The following VMP1 variants were observed in gnomAD, a reference collection of about 807,000 sequenced individuals.
VMP1 encodes vacuole membrane protein 1, also known as ectopic P-granules autophagy protein 3 homolog.
VMP1 carries 11 observed loss-of-function variants against 56.0 expected under a neutral mutation model. That is an observed-to-expected ratio of 0.20 (90% CI 0.12 to 0.32). The LOEUF is 0.32. Ranked by LOEUF, VMP1 falls within the 10% of genes least tolerant of loss-of-function variation. VMP1 has a pLI of 1.00. For missense variants in VMP1, 296 were observed against 490.3 expected (o/e 0.60, Z 3.74); for synonymous variants, 149 against 165.0 (o/e 0.90, Z 0.74).
chr17:59,741,582 C>G (rs1274441592), intron 5 of VMP1, among the ~76,000 whole-genome samples: 2 of 152,092 alleles, frequency 1.3e-5, no homozygotes, highest in East Asian at 3.9e-4. Context: ...TGAAAGATAA[C>G]TCTTGGATTT....
intron 6 of VMP1, 142 bp from the exon 7 acceptor site, chr17:59,773,611 AT>A: frequency 1.4e-6 from 1 of 734,742 alleles, no homozygotes; most frequent in Non-Finnish European, 2.0e-6. Flanking sequence ...AACTTTTATT[AT>A]TTTGATTATG....
chr17:59,786,731 C>T (rs1391584687), intron 7 of VMP1, among the ~76,000 whole-genome samples: 2 of 152,138 alleles, frequency 1.3e-5, no homozygotes, highest in Admixed American at 6.6e-5. Context: ...AATTTGTCAG[C>T]GTGGACTCTA....
chr17:59,830,799 A>T (rs2038782996), intron 10 of VMP1, among the ~76,000 whole-genome samples: 1 of 152,226 alleles, frequency 6.6e-6, no homozygotes, highest in Non-Finnish European at 1.5e-5. Context: ...CTCTGTAAAT[A>T]GGGCTAAACA....
At chr17:59,838,176 C>T (rs1038359747) in intron 10 of VMP1, 119 bp from the exon 11 acceptor site, 8 of 384,534 alleles carry the variant, frequency 2.1e-5, no homozygotes, top group Non-Finnish European at 3.3e-5. Context: ...TATTTTATTC[C>T]TCTTCCTATC....
At chr17:59,786,826 C>G (rs936901288) in intron 7 of VMP1, among the ~76,000 whole-genome samples, 1 of 152,180 alleles carries the variant, frequency 6.6e-6, no homozygotes, top group African/African-American at 2.4e-5. Context: ...CTTGCAGGAT[C>G]TCTTGCTTGT....
chr17:59,735,290 C>T (rs775745644), intron 2 of VMP1, 48 bp from the exon 3 acceptor site: 1 of 1,597,122 alleles, frequency 6.3e-7, no homozygotes, highest in East Asian at 2.2e-5. Flanking sequence ...AGAGAATAAG[C>T]ATAAATGTTA....
intron 1 of VMP1, among the ~76,000 whole-genome samples, chr17:59,723,045 A>G (rs1598291791): frequency 6.6e-6 from 1 of 152,150 alleles, no homozygotes; most frequent in South Asian, 2.1e-4. Context: ...GTGTACTCCT[A>G]AGATCACCAT....
chr17:59,792,657 G>C (rs556169903), intron 7 of VMP1, among the ~76,000 whole-genome samples: 2 of 151,160 alleles, frequency 1.3e-5, no homozygotes, highest in Admixed American at 6.6e-5. Flanking sequence ...CTGAGGTCAA[G>C]AGTTCGAGAC....
rs1157617334 is a variant in VMP1, at chr17:59,738,921, G to C, written c.388G>C (p.Gly130Arg). 6.2e-7 allele frequency: 1 copy of C among 1,610,506 alleles called. No homozygotes were observed. Among genetic ancestry groups the C allele is most frequent in the South Asian group, 1.1e-5 (1 of 90,194 alleles). Residue 130 changes from glycine (G) to arginine (R), a missense_variant, in exon 5 of 12, where the codon GGG (glycine) becomes CGG (arginine). Gly to Arg is a moderately radical substitution (Grantham distance 125). This residue lies in a region of VMP1 where 126 missense variants were observed against 231.6 expected (regional missense o/e 0.54). Transcript: ENST00000262291. ...TTTGTCTTCTGTTGGGCTTGGAACA[G>C]GGCTGCACACCTTTCTGCTTTATCT... The part of the protein sequence containing the change: ...GILSSVGLGT[G>R]LHTFLLYLGP...
At position 59,729,408 on chromosome 17, in the gene VMP1, G is replaced by A. The variant is rs367942604; in HGVS notation, c.-26-2013G>A. 9.2e-4 allele frequency among the ~76,000 whole-genome samples: 139 copies of A among 151,162 alleles called. 2 individuals carry two copies. In the East Asian group the frequency reaches 0.019, roughly 20 times the overall value. On this transcript the variant is annotated intron_variant, in intron 1 of 11. Coordinates refer to ENST00000262291, the MANE Select transcript of VMP1 (RefSeq NM_030938.5). The stretch of plus-strand genomic sequence containing the variant: ...TGAGGCAGGAGAACCACTTGAACTC[G>A]GGAGGCAGAGGTTGCAGTGAGCCAA...
chr17:59,817,822 G>A (rs1166767190), intron 10 of VMP1, 49 bp downstream of exon 10: 5 of 1,400,948 alleles, frequency 3.6e-6, no homozygotes, highest in Non-Finnish European at 4.9e-6. Flanking sequence ...TCTTTAAATG[G>A]GAGTAAATGT....
chr17:59,801,169 A>G (rs1049453172), intron 7 of VMP1, among the ~76,000 whole-genome samples: 4 of 149,618 alleles, frequency 2.7e-5, no homozygotes, highest in African/African-American at 9.8e-5. Flanking sequence ...ACAGTTATAT[A>G]TAGTACATAA....
intron 7 of VMP1, among the ~76,000 whole-genome samples, chr17:59,791,996 G>A (rs1406039734): frequency 3.3e-5 from 5 of 152,108 alleles, no homozygotes; most frequent in Admixed American, 3.3e-4. Flanking sequence ...TATTGGCCGG[G>A]TGCCATGGCT....
At chr17:59,719,610 ACT>A (rs2034314960) in intron 1 of VMP1, among the ~76,000 whole-genome samples, 1 of 151,740 alleles carries the variant, frequency 6.6e-6, no homozygotes, top group African/African-American at 2.4e-5. Flanking sequence ...TGTTCCAATA[ACT>A]CTTATGTTAC....
chr17:59,738,818 C>T lies in VMP1; in HGVS notation c.304-19C>T. 6.4e-7 allele frequency: 1 copy of T among 1,554,736 alleles called. No homozygotes were observed. Among genetic ancestry groups the T allele is most frequent in the East Asian group, 2.3e-5 (1 of 44,382 alleles). On this transcript the variant is annotated intron_variant, in intron 4 of 11. Transcript: ENST00000262291. ...CTGTATAGAGAATTCACGGTTTTCA[C>T]CTCATCCCTTTTTTTCAGTATGTGC...
chr17:59,822,587 A>C (rs2038493565), intron 10 of VMP1, among the ~76,000 whole-genome samples: 1 of 152,038 alleles, frequency 6.6e-6, no homozygotes, highest in African/African-American at 2.4e-5. Context: ...GGCCCACCAA[A>C]GTGCTGGGAT....
At chr17:59,821,515 A>G (rs540342593) in intron 10 of VMP1, among the ~76,000 whole-genome samples, 5 of 149,864 alleles carry the variant, frequency 3.3e-5, no homozygotes, top group Non-Finnish European at 7.4e-5. Context: ...AGCACTGTCT[A>G]CAGGGATTAC....
chr17:59,834,403 T>G (rs115967235), intron 10 of VMP1, among the ~76,000 whole-genome samples: 81 of 152,250 alleles, frequency 5.3e-4, no homozygotes, highest in African/African-American at 1.9e-3. Context: ...TAGCTGAGAT[T>G]ACAGGCATGT....
intron 5 of VMP1, among the ~76,000 whole-genome samples, chr17:59,762,482 T>G (rs2143972006): frequency 6.6e-6 from 1 of 152,348 alleles, no homozygotes; most frequent in Non-Finnish European, 1.5e-5. Context: ...TTTTTTTATT[T>G]GAATTTTTCA....
Sources: allele counts gnomAD v4.1 joint callset (sites outside exome capture counted in the v4.1 genomes callset), GRCh38; gene constraint gnomAD v4.1.1; regional missense constraint gnomAD v4.1.1; transcripts MANE v1.5; gene names NCBI Gene and HGNC (gene_info 2026-07-23, HGNC 2026-07-21).